BNC2: variants seen among roughly 807,000 people sequenced by gnomAD.
BNC2 encodes basonuclin zinc finger protein 2.
Under a neutral mutation model 76.3 loss-of-function variants are expected in BNC2, and 20 were observed. That is an observed-to-expected ratio of 0.26 (90% CI 0.18 to 0.38). The LOEUF is 0.38. BNC2 is among the 10% of genes least tolerant of loss of function. BNC2 has a pLI of 1.00. For missense variants in BNC2, 1,382 were observed against 1,399.8 expected (o/e 0.99, Z 0.20); for synonymous variants, 582 against 514.8 (o/e 1.13, Z -1.77).
At chr9:16,445,628 C>T (rs1318773636) in intron 5 of BNC2, among the ~76,000 whole-genome samples, 1 of 152,200 alleles carries the variant, frequency 6.6e-6, no homozygotes, top group Non-Finnish European at 1.5e-5. Flanking sequence ...CCAATCACAT[C>T]CCTACTCTCC....
intron 4 of BNC2, among the ~76,000 whole-genome samples, chr9:16,567,998 T>C (rs1012303238): frequency 6.6e-6 from 1 of 152,332 alleles, no homozygotes; most frequent in Non-Finnish European, 1.5e-5. Context: ...AAATTTTTAA[T>C]GCTAATTTGA....
chr9:16,525,480 C>T (rs1387656882), intron 5 of BNC2, among the ~76,000 whole-genome samples: 1 of 152,126 alleles, frequency 6.6e-6, no homozygotes, highest in African/African-American at 2.4e-5. Context: ...ACAGAAATGA[C>T]TGATAATCAT....
chr9:16,600,530 C>T lies in BNC2; in HGVS notation c.331-17445G>A, dbSNP rs1166151385. Among the ~76,000 whole-genome samples, 34 of 152,080 alleles carry T rather than the reference C, an allele frequency of 2.2e-4. 2 individuals are homozygous for T. Among genetic ancestry groups the T allele is most frequent in the Admixed American group, 2.2e-3 (34 of 15,264 alleles). On this transcript the variant is annotated intron_variant, in intron 3 of 6. Transcript: ENST00000380672. Reference sequence around the variant, plus strand: ...CTATTGACAAATTCAGCATTTTATTCCTTAATCAGAAAATAACAGATTTTA... The same window carrying T: ...CTATTGACAAATTCAGCATTTTATTTCTTAATCAGAAAATAACAGATTTTA...
intron 1 of BNC2, among the ~76,000 whole-genome samples, chr9:16,772,810 T>C (rs1245029533): frequency 2.0e-5 from 3 of 152,224 alleles, no homozygotes; most frequent in Non-Finnish European, 4.4e-5. Flanking sequence ...GTAGGAGTTA[T>C]ACATTCCCGT....
chr9:16,624,110 C>A lies in BNC2; in HGVS notation c.331-41025G>T, dbSNP rs77673934. Among the ~76,000 whole-genome samples the A allele has an allele frequency of 2.2e-3, 334 of 152,300 alleles. 15 individuals carry two copies. The East Asian group carries it at 0.058, about 26-fold the overall frequency. On this transcript the variant is annotated intron_variant, in intron 3 of 6. Coordinates refer to ENST00000380672, the MANE Select transcript of BNC2 (RefSeq NM_017637.6). The stretch of plus-strand genomic sequence containing the variant: ...TTTTAAAAGCCTTATTTCTTCACAG[C>A]AAGGAGCTTCCAGAAACCACTAAAA...
At chr9:16,665,271 G>C in intron 3 of BNC2, 1 of 351,456 alleles carries the variant, frequency 2.8e-6, no homozygotes, top group South Asian at 2.2e-5. Flanking sequence ...TCCAGAGGCT[G>C]AGGCAGGAGA....
chr9:16,443,989 A>C (rs552708208), intron 5 of BNC2, among the ~76,000 whole-genome samples: 152 of 152,336 alleles, frequency 1.0e-3, no homozygotes, highest in African/African-American at 3.6e-3. Flanking sequence ...AAGTTAATTC[A>C]AAAAATTAAA....
chr9:16,530,934 A>G (rs1380391406), intron 5 of BNC2, among the ~76,000 whole-genome samples: 2 of 152,136 alleles, frequency 1.3e-5, no homozygotes, highest in African/African-American at 4.8e-5. Flanking sequence ...AGATCTGCCA[A>G]GAGACATATT....
intron 5 of BNC2, among the ~76,000 whole-genome samples, chr9:16,512,257 G>A (rs1822774325): frequency 1.3e-5 from 2 of 152,132 alleles, no homozygotes; most frequent in South Asian, 4.1e-4. Context: ...GAAGGACTGA[G>A]TACTTTTAAA....
At chr9:16,819,609 A>T (rs1420357507) in intron 1 of BNC2, among the ~76,000 whole-genome samples, 2 of 152,040 alleles carry the variant, frequency 1.3e-5, no homozygotes, top group Non-Finnish European at 2.9e-5. Flanking sequence ...GTGAGCTGAG[A>T]TCATGCCACT....
Position 16,731,636 on chromosome 9 carries a change from A to G in BNC2, c.130-3639T>C, listed in dbSNP as rs530236886. Among the ~76,000 whole-genome samples, 9 of 152,350 alleles carry G rather than the reference A, an allele frequency of 5.9e-5. No individual in the cohort carries two copies. In the South Asian group the frequency reaches 1.7e-3, roughly 28 times the overall value. On this transcript the variant is annotated intron_variant, in intron 2 of 6. Transcript: ENST00000380672. ...AGGAATGCACTATAACATGCCTTTC[A>G]TATACTGGCTCTAATACACTAAATC...
At chr9:16,681,575 GTCACACACACAAAC>G (rs1217780288) in intron 3 of BNC2, among the ~76,000 whole-genome samples, 1 of 151,974 alleles carries the variant, frequency 6.6e-6, no homozygotes, top group Non-Finnish European at 1.5e-5. Context: ...AAAACCATGT[GTCACACACACAAAC>G]TCACACACAC....
At chr9:16,683,606 T>G (rs1822888717) in intron 3 of BNC2, among the ~76,000 whole-genome samples, 2 of 152,294 alleles carry the variant, frequency 1.3e-5, no homozygotes, top group South Asian at 4.1e-4. Flanking sequence ...GGAAAAAATT[T>G]AAAAAGGACT....
intron 5 of BNC2, among the ~76,000 whole-genome samples, chr9:16,463,332 T>C (rs1371396798): frequency 1.4e-5 from 2 of 138,514 alleles, no homozygotes; most frequent in Admixed American, 7.3e-5. Flanking sequence ...AGTCTCGCTC[T>C]GTCGCCCAGG....
intron 3 of BNC2, among the ~76,000 whole-genome samples, chr9:16,613,596 G>C (rs1009484940): frequency 3.9e-5 from 6 of 152,172 alleles, no homozygotes; most frequent in Non-Finnish European, 7.3e-5. Context: ...CAATTACTGA[G>C]ATTGTGCGCA....
At chr9:16,646,690 T>A (rs1221634658) in intron 3 of BNC2, among the ~76,000 whole-genome samples, 1 of 152,178 alleles carries the variant, frequency 6.6e-6, no homozygotes, top group Non-Finnish European at 1.5e-5. Context: ...ACACATTTTG[T>A]CACAACTCAT....
intron 5 of BNC2, among the ~76,000 whole-genome samples, chr9:16,519,826 CTT>C (rs774868984): frequency 6.6e-6 from 1 of 152,146 alleles, no homozygotes; most frequent in Non-Finnish European, 1.5e-5. Context: ...AAGAATCAGA[CTT>C]TGAAACAACA....
intron 5 of BNC2, among the ~76,000 whole-genome samples, chr9:16,542,603 G>C (rs945980396): frequency 1.3e-5 from 2 of 152,180 alleles, no homozygotes; most frequent in African/African-American, 4.8e-5. Flanking sequence ...AGAATCACTA[G>C]TGACTTCCCT....
At chr9:16,486,150 T>C (rs995538462) in intron 5 of BNC2, among the ~76,000 whole-genome samples, 1 of 152,232 alleles carries the variant, frequency 6.6e-6, no homozygotes, top group African/African-American at 2.4e-5. Flanking sequence ...AATGTTGTTT[T>C]AATGCAAAGA....
Sources: gnomAD v4.1 joint callset for allele counts (sites outside exome capture counted in the v4.1 genomes callset) on GRCh38, gnomAD v4.1.1 for gene constraint, MANE v1.5 for transcripts, NCBI Gene and HGNC (gene_info 2026-07-23, HGNC 2026-07-21) for gene names.